Variants in REDIC1 observed in about 807,000 individuals in gnomAD.
The protein encoded by REDIC1 is HEI10 Interacting Protein 1.
At chr12:39,704,333 A>T in the REDIC1 span, among the ~76,000 whole-genome samples, 1 of 152,166 alleles carries the variant, frequency 6.6e-6, no homozygotes, top group African/African-American at 2.4e-5. Context: ...GCTCACCATC[A>T]CTGGCCATCA....
chr12:39,721,120 G>A, the REDIC1 span: 1 of 1,613,726 alleles, frequency 6.2e-7, no homozygotes, highest in South Asian at 1.1e-5. Context: ...AAAATTAGAT[G>A]TTGCCATACA....
At chr12:39,769,928 A>G in the REDIC1 span, among the ~76,000 whole-genome samples, 1 of 152,084 alleles carries the variant, frequency 6.6e-6, no homozygotes, top group Non-Finnish European at 1.5e-5. Context: ...AAAGTCATCA[A>G]TTAGCTCCTA....
chr12:39,723,918 A>G, the REDIC1 span, among the ~76,000 whole-genome samples: 3 of 152,100 alleles, frequency 2.0e-5, no homozygotes, highest in African/African-American at 7.2e-5. Flanking sequence ...TTCTTGGTTA[A>G]TTGTTTATTT....
the REDIC1 span, among the ~76,000 whole-genome samples, chr12:39,893,953 G>A: frequency 6.6e-6 from 1 of 152,132 alleles, no homozygotes; most frequent in Non-Finnish European, 1.5e-5. Flanking sequence ...GTGTTAGTAG[G>A]AAGTAACACA....
the REDIC1 span, among the ~76,000 whole-genome samples, chr12:39,739,963 C>A: frequency 2.0e-5 from 3 of 152,194 alleles, no homozygotes; most frequent in African/African-American, 7.2e-5. Flanking sequence ...CAAGCTTATT[C>A]ATGATAAGAG....
the REDIC1 span, among the ~76,000 whole-genome samples, chr12:39,824,431 G>T: frequency 6.6e-6 from 1 of 152,244 alleles, no homozygotes; most frequent in Admixed American, 6.5e-5. Flanking sequence ...ATCCAAGAGG[G>T]TCTCCATCTG....
chr12:39,859,691 T>G, the REDIC1 span, among the ~76,000 whole-genome samples: 1 of 151,820 alleles, frequency 6.6e-6, no homozygotes, highest in South Asian at 2.1e-4. Context: ...CCTGGCTAAT[T>G]TTTTTTTGTA....
chr12:39,769,675 T>C, the REDIC1 span, among the ~76,000 whole-genome samples: 1 of 151,964 alleles, frequency 6.6e-6, no homozygotes, highest in Non-Finnish European at 1.5e-5. Flanking sequence ...ATATCTCTTC[T>C]TTTCCTGCCC....
At chr12:39,810,411 G>GAATTATAAATAAAATT in the REDIC1 span, among the ~76,000 whole-genome samples, 1 of 151,874 alleles carries the variant, frequency 6.6e-6, no homozygotes, top group Non-Finnish European at 1.5e-5. Context: ...TATTCTCATA[G>GAATTATAAATAAAATT]CATTTTATAA....
the REDIC1 span, among the ~76,000 whole-genome samples, chr12:39,895,421 T>C: frequency 7.5e-6 from 1 of 133,408 alleles, no homozygotes; most frequent in East Asian, 2.2e-4. Context: ...ACCTGGGAGG[T>C]GGAGCTTGCA....
the REDIC1 span, among the ~76,000 whole-genome samples, chr12:39,628,256 C>T: frequency 1.3e-5 from 2 of 151,948 alleles, no homozygotes; most frequent in South Asian, 2.1e-4. Context: ...TTTTATGTGG[C>T]GGGATAGGCT....
chr12:39,809,155 C>A, the REDIC1 span, among the ~76,000 whole-genome samples: 3 of 152,106 alleles, frequency 2.0e-5, no homozygotes, highest in Non-Finnish European at 2.9e-5. Context: ...GTATTAGGAC[C>A]ATTTGTTGAA....
chr12:39,666,325 A>G, the REDIC1 span, among the ~76,000 whole-genome samples: 2 of 152,230 alleles, frequency 1.3e-5, no homozygotes, highest in Admixed American at 6.5e-5. Context: ...TGAGATAATC[A>G]TGTGGCTTTT....
At chr12:39,664,073 TTTGAG>T in the REDIC1 span, among the ~76,000 whole-genome samples, 1 of 152,034 alleles carries the variant, frequency 6.6e-6, no homozygotes, top group Non-Finnish European at 1.5e-5. Context: ...ATTATTTGTC[TTTGAG>T]TTTTTTTTTT....
At chr12:39,730,504 G>A in the REDIC1 span, among the ~76,000 whole-genome samples, 3 of 152,178 alleles carry the variant, frequency 2.0e-5, no homozygotes, top group Non-Finnish European at 4.4e-5. Context: ...CTTCTGGCTT[G>A]TAGGGTTTCT....
chr12:39,800,090 C>G, the REDIC1 span, among the ~76,000 whole-genome samples: 2 of 152,150 alleles, frequency 1.3e-5, no homozygotes. Flanking sequence ...CCATCCCAAT[C>G]TTCTAGGTAC....
At chr12:39,719,527 T>C in the REDIC1 span, among the ~76,000 whole-genome samples, 1 of 151,920 alleles carries the variant, frequency 6.6e-6, no homozygotes, top group Non-Finnish European at 1.5e-5. Context: ...GGTGGGAGAA[T>C]CACCTGAGCC....
the REDIC1 span, among the ~76,000 whole-genome samples, chr12:39,805,440 G>A: frequency 3.3e-5 from 5 of 152,048 alleles, no homozygotes; most frequent in African/African-American, 1.2e-4. Flanking sequence ...CATCGTGAAG[G>A]AGCACAGACA....
the REDIC1 span, among the ~76,000 whole-genome samples, chr12:39,784,191 C>T: frequency 6.6e-6 from 1 of 152,124 alleles, no homozygotes; most frequent in Admixed American, 6.5e-5. Context: ...ATCAAGCTAC[C>T]AATGACTTTC....
Sources: gnomAD v4.1 joint callset for allele counts (sites outside exome capture counted in the v4.1 genomes callset) on GRCh38, gnomAD v4.1.1 for gene constraint, MANE v1.5 for transcripts, NCBI Gene and HGNC (gene_info 2026-07-23, HGNC 2026-07-21) for gene names.